The following ULK4 variants were observed in gnomAD, a reference collection of about 807,000 sequenced individuals.
The protein encoded by ULK4 is unc-51 like kinase 4.
Under a neutral mutation model 160.6 loss-of-function variants are expected in ULK4, and 133 were observed. The ratio of observed to expected loss-of-function variants is 0.83; its 90% CI spans 0.72 to 0.96. The LOEUF (loss-of-function observed/expected upper bound fraction) is 0.96. Ranked by LOEUF, ULK4 falls within the 40% of genes least tolerant of loss-of-function variation. The pLI is 0.00. For missense variants in ULK4, 1,580 were observed against 1,499.5 expected (o/e 1.05, Z -0.89); for synonymous variants, 534 against 539.8 (o/e 0.99, Z 0.15).
intron 30 of ULK4, among the ~76,000 whole-genome samples, chr3:41,654,202 C>G (rs2034848746): frequency 6.6e-6 from 1 of 152,188 alleles, no homozygotes; most frequent in South Asian, 2.1e-4. Flanking sequence ...CAACATGTAT[C>G]TATTCTAAAT....
intron 31 of ULK4, among the ~76,000 whole-genome samples, chr3:41,595,897 C>T (rs1108949): frequency 0.27 from 40,759 of 152,022 alleles, 6,847 homozygotes; most frequent in African/African-American, 0.47. Context: ...AGCTGTGACA[C>T]TGATCAGAGA....
chr3:41,906,885 TG>T lies in ULK4; in HGVS notation c.1182+959del, dbSNP rs1368272620. On this transcript the variant is annotated intron_variant, in intron 12 of 36. Transcript: ENST00000301831. ...ACGCACGACTGTAGTCCCAGCGACT[TG>T]GTAGGCTGAGGCAGGAGAATTGCTT... Among the ~76,000 whole-genome samples, 7 of 151,994 alleles carry T rather than the reference TG, an allele frequency of 4.6e-5. No homozygotes were observed. In the East Asian group the frequency reaches 1.4e-3, roughly 29 times the overall value.
In ULK4 at chr3:41,292,826, C is replaced by G. The variant is rs903366919; in HGVS notation, c.3679-43252G>C. Among the ~76,000 whole-genome samples, 6 of 151,664 alleles carry G rather than the reference C, an allele frequency of 4.0e-5. No homozygotes were observed. In the East Asian group the frequency reaches 1.2e-3, roughly 29 times the overall value. On this transcript the variant is annotated intron_variant, in intron 35 of 36. Transcript: ENST00000301831. The stretch of plus-strand genomic sequence containing the variant: ...GGGTGTGGTGGTGCATGTCTGTAAT[C>G]CCAGCTACTCGGGAGGCTGAGGCAG...
intron 2 of ULK4, among the ~76,000 whole-genome samples, chr3:41,942,810 C>T (rs1383307080): frequency 1.3e-5 from 2 of 150,852 alleles, no homozygotes; most frequent in East Asian, 3.9e-4. Context: ...GAGTGAAACT[C>T]CATCTCAAAA....
intron 2 of ULK4, among the ~76,000 whole-genome samples, chr3:41,941,470 G>T (rs376832989): frequency 6.6e-6 from 1 of 151,820 alleles, no homozygotes; most frequent in African/African-American, 2.4e-5. Flanking sequence ...AACTAGGTGG[G>T]CTCATACCGT....
chr3:41,578,433 A>C (rs2088273329), intron 31 of ULK4, among the ~76,000 whole-genome samples: 1 of 152,186 alleles, frequency 6.6e-6, no homozygotes, highest in African/African-American at 2.4e-5. Context: ...TCACTTTGGA[A>C]CACTCAATAA....
intron 34 of ULK4, among the ~76,000 whole-genome samples, chr3:41,449,971 A>G (rs920556635): frequency 2.7e-5 from 4 of 150,250 alleles, no homozygotes; most frequent in African/African-American, 9.8e-5. Flanking sequence ...AAAGGCACAC[A>G]TGATTCATGT....
At chr3:41,496,793 C>G (rs562390916) in intron 32 of ULK4, among the ~76,000 whole-genome samples, 56 of 152,244 alleles carry the variant, frequency 3.7e-4, no homozygotes, top group Admixed American at 2.0e-4. Context: ...CCTAACTACT[C>G]TAGGTATTCA....
At chr3:41,826,701 A>G (rs1340459901) in intron 18 of ULK4, among the ~76,000 whole-genome samples, 1 of 150,134 alleles carries the variant, frequency 6.7e-6, no homozygotes, top group Non-Finnish European at 1.5e-5. Flanking sequence ...CTCCCACACA[A>G]TAATAATAGG....
In ULK4 at chr3:41,589,121, A is replaced by T. The variant is rs1158556023; in HGVS notation, c.3121-22991T>A. 1.3e-4 allele frequency among the ~76,000 whole-genome samples: 4 copies of T among 29,904 alleles called. No homozygotes were observed. In the East Asian group the frequency reaches 3.5e-3, roughly 27 times the overall value. The allele number at this position is 29,904 out of a possible 152,430, so 19.6% of individuals were successfully genotyped here. A position where few individuals can be genotyped will look rare whatever the true frequency, so the allele number is the denominator to read the frequency against. On this transcript the variant is annotated intron_variant, in intron 31 of 36. Transcript: ENST00000301831. ...ACACTAGAAAATTAGACAAATATTA[A>T]AAAAAAAAATAACTTAGCACAGGAC... is the stretch of plus-strand genomic sequence containing the variant.
intron 1 of ULK4, 104 bp downstream of exon 1, chr3:41,961,912 G>C (rs1700690163): frequency 6.6e-6 from 1 of 152,526 alleles, no homozygotes; most frequent in Non-Finnish European, 1.5e-5. Flanking sequence ...GGGCGGCCAG[G>C]CGCCACCACC....
intron 35 of ULK4, among the ~76,000 whole-genome samples, chr3:41,335,557 AC>A (rs535843055): frequency 1.7e-3 from 262 of 152,286 alleles, no homozygotes; most frequent in Non-Finnish European, 3.0e-3. Context: ...CAAAAACATC[AC>A]AACCACTGAT....
rs148777911 is a variant in ULK4, at chr3:41,529,534, G to T, written c.3226+36491C>A. On this transcript the variant is annotated intron_variant, in intron 32 of 36. Transcript: ENST00000301831. ...GGGTGTCATTCTGTCACCCAGGCTG[G>T]AGTGCAGTGGCACAATCTCGGCTCA... Among the ~76,000 whole-genome samples, 393 of 152,300 alleles carry T rather than the reference G, an allele frequency of 2.6e-3. 1 individual carries two copies. Among genetic ancestry groups the T allele is most frequent in the Admixed American group, 7.1e-3 (108 of 15,304 alleles).
intron 32 of ULK4, among the ~76,000 whole-genome samples, chr3:41,493,284 C>T (rs527795821): frequency 1.4e-3 from 210 of 146,322 alleles, no homozygotes; most frequent in African/African-American, 5.2e-3. Flanking sequence ...TCACTGAAAA[C>T]GGCTCAACTG....
intron 12 of ULK4, among the ~76,000 whole-genome samples, chr3:41,906,216 C>CCAAAAAAAAA (rs1698552611): frequency 1.5e-5 from 1 of 67,114 alleles, no homozygotes; most frequent in African/African-American, 6.4e-5. Context: ...GACTCCGTCT[C>CCAAAAAAAAA]AAAAAAAAAA....
At chr3:41,943,941 C>A (rs1316174462) in intron 2 of ULK4, among the ~76,000 whole-genome samples, 1 of 152,174 alleles carries the variant, frequency 6.6e-6, no homozygotes, top group Admixed American at 6.5e-5. Context: ...TAGCTGCTTA[C>A]CTAAATCTTT....
intron 17 of ULK4, among the ~76,000 whole-genome samples, chr3:41,881,468 A>T (rs751493130): frequency 2.6e-5 from 4 of 152,316 alleles, no homozygotes; most frequent in South Asian, 2.1e-4. Context: ...AATTGCTCAC[A>T]GCAGGAATTA....
At chr3:41,615,070 T>C (rs561080244) in intron 31 of ULK4, among the ~76,000 whole-genome samples, 13 of 152,304 alleles carry the variant, frequency 8.5e-5, no homozygotes, top group African/African-American at 1.7e-4. Context: ...TTGGTATAAT[T>C]AGGGATTTAT....
intron 34 of ULK4, among the ~76,000 whole-genome samples, chr3:41,418,191 T>C (rs931022360): frequency 2.0e-5 from 3 of 152,014 alleles, no homozygotes; most frequent in African/African-American, 7.2e-5. Context: ...CAGTCCAAAA[T>C]CTGCATATAA....
Sources: gnomAD v4.1 joint callset for allele counts (sites outside exome capture counted in the v4.1 genomes callset) on GRCh38, gnomAD v4.1.1 for gene constraint, MANE v1.5 for transcripts, NCBI Gene and HGNC (gene_info 2026-07-23, HGNC 2026-07-21) for gene names.